Variants in PDE4B observed in about 807,000 individuals in gnomAD.
PDE4B encodes the protein phosphodiesterase 4B, also known as 3',5'-cyclic-AMP phosphodiesterase 4B.
Under a neutral mutation model 82.2 loss-of-function variants are expected in PDE4B, and 20 were observed. That is an observed-to-expected ratio of 0.24 (90% confidence interval 0.17 to 0.35). The LOEUF (loss-of-function observed/expected upper bound fraction) is 0.35, where lower values mean the gene tolerates loss of function less well. PDE4B is among the 10% of genes least tolerant of loss of function. PDE4B has a pLI of 1.00. For synonymous variants in PDE4B, 320 were observed against 318.9 expected, an observed-to-expected ratio of 1.00 and a Z score of -0.04; for missense variants, 655 against 907.2, an observed-to-expected ratio of 0.72 and a Z score of 3.57.
intron 3 of PDE4B, among the ~76,000 whole-genome samples, chr1:66,201,991 T>C (rs1399444944): frequency 6.6e-6 from 1 of 152,222 alleles, no homozygotes; most frequent in African/African-American, 2.4e-5. Context: ...TTTAGTGCTA[T>C]AAATTTCCCT....
chr1:65,917,240 C>T (rs1386585000), intron 2 of PDE4B, among the ~76,000 whole-genome samples: 2 of 152,102 alleles, frequency 1.3e-5, no homozygotes, highest in Admixed American at 1.3e-4. Context: ...AGTTAATTAT[C>T]CTTATATGAA....
chr1:65,974,198 C>G (rs916669557), intron 3 of PDE4B, among the ~76,000 whole-genome samples: 3 of 152,144 alleles, frequency 2.0e-5, no homozygotes, highest in African/African-American at 7.2e-5. Context: ...TTCCTCCTTA[C>G]ATGTGGCGAT....
At chr1:66,258,442 G>A (rs185852272) in intron 6 of PDE4B, among the ~76,000 whole-genome samples, 55 of 152,286 alleles carry the variant, frequency 3.6e-4, no homozygotes, top group Admixed American at 3.3e-3. Flanking sequence ...TATATTCCTT[G>A]CAGTAACACT....
At chr1:66,079,719 A>C (rs892321811) in intron 3 of PDE4B, among the ~76,000 whole-genome samples, 4 of 152,136 alleles carry the variant, frequency 2.6e-5, no homozygotes, top group Admixed American at 1.3e-4. Context: ...AAGGAGGAAA[A>C]AATATTTTGT....
intron 3 of PDE4B, among the ~76,000 whole-genome samples, chr1:66,141,350 A>ATATG (rs1646167537): frequency 7.0e-6 from 1 of 143,604 alleles, no homozygotes; most frequent in Non-Finnish European, 1.5e-5. Context: ...ATATATATAT[A>ATATG]TATATATATA....
At chr1:66,270,492 T>A (rs1217997459) in intron 7 of PDE4B, among the ~76,000 whole-genome samples, 1 of 152,218 alleles carries the variant, frequency 6.6e-6, no homozygotes, top group Non-Finnish European at 1.5e-5. Flanking sequence ...ATGACATTGA[T>A]TCCGTTCTCA....
chr1:65,987,464 G>A (rs116060318), intron 3 of PDE4B, among the ~76,000 whole-genome samples: 29 of 152,274 alleles, frequency 1.9e-4, no homozygotes, highest in African/African-American at 6.0e-4. Flanking sequence ...CATGAATTCC[G>A]TCTTCTGTCC....
chr1:65,795,642 A>C (rs893507169), intron 1 of PDE4B, among the ~76,000 whole-genome samples: 2 of 152,238 alleles, frequency 1.3e-5, no homozygotes, highest in African/African-American at 4.8e-5. Flanking sequence ...GCTCACATCC[A>C]ATGGCTGATC....
intron 3 of PDE4B, among the ~76,000 whole-genome samples, chr1:66,090,167 A>T (rs1223142830): frequency 6.6e-6 from 1 of 152,052 alleles, no homozygotes; most frequent in African/African-American, 2.4e-5. Flanking sequence ...CTGTAGAAAG[A>T]CAAGAGTATT....
chr1:66,133,497 G>A (rs1243900886), intron 3 of PDE4B, among the ~76,000 whole-genome samples: 1 of 152,042 alleles, frequency 6.6e-6, no homozygotes, highest in East Asian at 1.9e-4. Flanking sequence ...GGTCTTTCTG[G>A]CATTCTCAAC....
chr1:65,796,646 C>T (rs1645634614), intron 1 of PDE4B, among the ~76,000 whole-genome samples: 2 of 76,306 alleles, frequency 2.6e-5, no homozygotes, highest in Non-Finnish European at 4.8e-5. Flanking sequence ...CTTGCTGAAA[C>T]TTTTTTTTTT....
At chr1:65,866,753 C>T (rs1006862146) in intron 1 of PDE4B, among the ~76,000 whole-genome samples, 2 of 152,082 alleles carry the variant, frequency 1.3e-5, no homozygotes, top group African/African-American at 2.4e-5. Flanking sequence ...TGGGAAGAAC[C>T]CTGCTGGAGA....
At chr1:66,075,480 G>C (rs188521474) in intron 3 of PDE4B, among the ~76,000 whole-genome samples, 11 of 152,194 alleles carry the variant, frequency 7.2e-5, no homozygotes, top group African/African-American at 2.6e-4. Context: ...TGTGGAATTA[G>C]AAAAGGTTCT....
At chr1:66,186,677 C>T (rs994601862) in intron 3 of PDE4B, among the ~76,000 whole-genome samples, 10 of 152,038 alleles carry the variant, frequency 6.6e-5, no homozygotes, top group Non-Finnish European at 1.0e-4. Flanking sequence ...TTTTGCTCAT[C>T]GATTTTGTAT....
chr1:66,076,329 C>A (rs556070209), intron 3 of PDE4B, among the ~76,000 whole-genome samples: 165 of 152,172 alleles, frequency 1.1e-3, no homozygotes, highest in Non-Finnish European at 2.1e-3. Context: ...CCTCCAGCTG[C>A]ATCTACGTTG....
At chr1:66,224,112 C>G (rs929749449) in intron 3 of PDE4B, among the ~76,000 whole-genome samples, 3 of 152,256 alleles carry the variant, frequency 2.0e-5, no homozygotes, top group Non-Finnish European at 4.4e-5. Flanking sequence ...TCAAGCATTT[C>G]CACTTGATGC....
intron 3 of PDE4B, among the ~76,000 whole-genome samples, chr1:66,108,246 A>G (rs1304421125): frequency 1.3e-5 from 2 of 151,944 alleles, no homozygotes; most frequent in African/African-American, 4.8e-5. Context: ...AGTCCCTGGT[A>G]GCCATCATTA....
intron 3 of PDE4B, among the ~76,000 whole-genome samples, chr1:65,962,519 A>G (rs1649594396): frequency 6.6e-6 from 1 of 152,154 alleles, no homozygotes; most frequent in African/African-American, 2.4e-5. Context: ...AAAACATTGA[A>G]GCAAGGATGC....
intron 9 of PDE4B, among the ~76,000 whole-genome samples, 165 bp from the exon 10 acceptor site, chr1:66,361,450 C>G (rs7530892): frequency 0.035 from 5,306 of 152,120 alleles, 297 homozygotes; most frequent in African/African-American, 0.12. Context: ...TTATATTTTC[C>G]CCACTTACTT....
Sources: allele counts gnomAD v4.1 joint callset (sites outside exome capture counted in the v4.1 genomes callset), GRCh38; gene constraint gnomAD v4.1.1; transcripts MANE v1.5; gene names NCBI Gene and HGNC (gene_info 2026-07-23, HGNC 2026-07-21).